ADCY8: variants seen among roughly 807,000 people sequenced by gnomAD.
ADCY8 encodes adenylate cyclase type 8.
A neutral mutation model predicts 119.7 loss-of-function variants in ADCY8; 51 were observed. The ratio of observed to expected loss-of-function variants is 0.43; its 90% CI spans 0.34 to 0.54. ADCY8 has a LOEUF of 0.54. Among genes scored for constraint, ADCY8 ranks in the 20% least tolerant of loss-of-function variants. ADCY8 has a pLI of 0.03. For synonymous variants in ADCY8, 665 were observed against 651.0 expected (o/e 1.02, Z -0.33); for missense variants, 1,383 against 1,598.8 (o/e 0.87, Z 2.30).
Position 131,035,192 on chromosome 8 carries a change from G to C in ADCY8, c.960+4182C>G, listed in dbSNP as rs554389003. Reference sequence around the variant, plus strand: ...CAAGGTATTCCTATCATTGGTTTGAGGCTTATTTAACTTGGATTGGGTGCG... The same window carrying C: ...CAAGGTATTCCTATCATTGGTTTGACGCTTATTTAACTTGGATTGGGTGCG... On this transcript the variant is annotated intron_variant, in intron 1 of 17. Transcript: ENST00000286355. Among the ~76,000 whole-genome samples, 4 of 152,218 alleles carry C rather than the reference G, an allele frequency of 2.6e-5. No homozygotes were observed. In the South Asian group the frequency reaches 8.3e-4, roughly 32 times the overall value.
chr8:130,933,965 T>C (rs1820708066), intron 5 of ADCY8, among the ~76,000 whole-genome samples: 1 of 152,228 alleles, frequency 6.6e-6, no homozygotes, highest in Non-Finnish European at 1.5e-5. Flanking sequence ...TCTGATTTTT[T>C]CATTTTGTAG....
At chr8:130,842,106 T>C (rs1484408896) in intron 11 of ADCY8, among the ~76,000 whole-genome samples, 1 of 152,226 alleles carries the variant, frequency 6.6e-6, no homozygotes, top group Admixed American at 6.5e-5. Flanking sequence ...GGTCCTTTGA[T>C]TCATTCAAGA....
At chr8:130,878,014 G>T (rs1007443038) in intron 8 of ADCY8, among the ~76,000 whole-genome samples, 14 of 152,090 alleles carry the variant, frequency 9.2e-5, no homozygotes, top group Non-Finnish European at 1.8e-4. Context: ...GAAGGACAAG[G>T]GAAAAGAAAG....
intron 5 of ADCY8, among the ~76,000 whole-genome samples, chr8:130,929,848 T>C (rs1225608102): frequency 3.3e-5 from 5 of 152,250 alleles, no homozygotes; most frequent in Admixed American, 6.5e-5. Flanking sequence ...TACAATGTTA[T>C]ATCCACTTGC....
chr8:130,891,192 T>G (rs1819174091), intron 7 of ADCY8, among the ~76,000 whole-genome samples: 1 of 152,112 alleles, frequency 6.6e-6, no homozygotes, highest in Non-Finnish European at 1.5e-5. Context: ...GTACCTCTAT[T>G]TTAAACTTGA....
chr8:130,789,415 T>TTGCCATACCA lies in ADCY8; in HGVS notation c.3061-3950_3061-3941dup, dbSNP rs1303140238. Among the ~76,000 whole-genome samples the TTGCCATACCA allele has an allele frequency of 3.9e-5, 6 of 152,128 alleles. No individual in the cohort carries two copies. In the South Asian group the frequency reaches 1.2e-3, roughly 32 times the overall value. On this transcript the variant is annotated intron_variant, in intron 15 of 17. Transcript: ENST00000286355. ...TCACTTTATATTGAATGATTGGTGT[T>TTGCCATACCA]TGCCATACCAAGTGGACAGTATAAT...
intron 8 of ADCY8, among the ~76,000 whole-genome samples, chr8:130,872,353 C>G (rs1818398420): frequency 6.6e-6 from 1 of 152,164 alleles, no homozygotes; most frequent in South Asian, 2.1e-4. Flanking sequence ...CTGAGTAACT[C>G]AACCACACCT....
intron 8 of ADCY8, among the ~76,000 whole-genome samples, chr8:130,869,939 C>CTCTTCT (rs757467612): frequency 0.013 from 1,943 of 145,340 alleles, 46 homozygotes; most frequent in African/African-American, 0.044. Flanking sequence ...CCTCCTCCTC[C>CTCTTCT]TCTTCTTCTT....
intron 1 of ADCY8, among the ~76,000 whole-genome samples, chr8:131,027,845 G>T (rs1305852155): frequency 1.3e-5 from 2 of 152,174 alleles, no homozygotes; most frequent in Non-Finnish European, 2.9e-5. Context: ...AACTTCAGGA[G>T]CCCCAACATT....
chr8:130,835,266 T>C (rs1039347688), intron 12 of ADCY8, among the ~76,000 whole-genome samples: 3 of 152,058 alleles, frequency 2.0e-5, no homozygotes, highest in African/African-American at 7.2e-5. Flanking sequence ...CATCAGAAAG[T>C]GCATGCAAAA....
Position 130,951,955 on chromosome 8 carries a change from T to A in ADCY8, c.1154A>T (p.Glu385Val), listed in dbSNP as rs1447934732. The A allele has an allele frequency of 1.2e-6, 2 of 1,613,878 alleles. No individual in the cohort carries two copies. Among genetic ancestry groups the A allele is most frequent in the Non-Finnish European group, 1.7e-6 (2 of 1,179,988 alleles). Reference sequence around the variant, plus strand: ...CACATTGGTCATGTCGTTGATCATTTCCAGGACAACAAACCGGGGGAGCAC... The same window carrying A: ...CACATTGGTCATGTCGTTGATCATTACCAGGACAACAAACCGGGGGAGCAC... ...LSVLPRFVVL[E>V]MINDMTNVED... The change falls in exon 3 of 18, where the codon GAA (glutamate) becomes GTA (valine). Residue 385 changes from glutamate to valine, a missense_variant. Physicochemically the swap from Glu to Val is moderately radical, Grantham distance 121. Transcript: ENST00000286355.
chr8:130,789,054 G>A (rs1815344192), intron 15 of ADCY8, among the ~76,000 whole-genome samples: 1 of 152,068 alleles, frequency 6.6e-6, no homozygotes, highest in Non-Finnish European at 1.5e-5. Context: ...GAATTATGAA[G>A]GTATGAATAA....
intron 13 of ADCY8, among the ~76,000 whole-genome samples, chr8:130,815,060 T>A (rs754314501): frequency 3.4e-4 from 51 of 152,158 alleles, no homozygotes; most frequent in Non-Finnish European, 5.6e-4. Context: ...TCCCTCAGGA[T>A]GAGATTACTG....
intron 11 of ADCY8, among the ~76,000 whole-genome samples, chr8:130,846,806 CCCTCCCCTCCCTT>C (rs1817328214): frequency 1.2e-5 from 1 of 85,208 alleles, no homozygotes; most frequent in African/African-American, 4.0e-5. Context: ...TTCCTTCCTT[CCCTCCCCTCCCTT>C]TCCTTCCTTC....
At chr8:131,001,864 A>G (rs185207456) in intron 1 of ADCY8, among the ~76,000 whole-genome samples, 1 of 152,294 alleles carries the variant, frequency 6.6e-6, no homozygotes. Flanking sequence ...TGCTTTACAA[A>G]GAACATTTAT....
intron 5 of ADCY8, among the ~76,000 whole-genome samples, chr8:130,924,443 G>A (rs1820402298): frequency 6.6e-6 from 1 of 152,168 alleles, no homozygotes; most frequent in Non-Finnish European, 1.5e-5. Context: ...GGGTTGCTAG[G>A]TAGAGAGCAC....
chr8:130,943,576 AT>A, intron 3 of ADCY8, 114 bp from the exon 4 acceptor site: 1 of 660,112 alleles, frequency 1.5e-6, no homozygotes, highest in Non-Finnish European at 2.7e-6. Context: ...GTGGTCTGAG[AT>A]TTTAGCTCTT....
intron 2 of ADCY8, among the ~76,000 whole-genome samples, chr8:130,966,160 C>T (rs1821755305): frequency 6.6e-6 from 1 of 152,194 alleles, no homozygotes; most frequent in South Asian, 2.1e-4. Context: ...GTCTGCATGA[C>T]TCATCATGAC....
Position 131,039,643 on chromosome 8 carries a change from C to T in ADCY8, c.691G>A (p.Val231Met). The change falls in exon 1 of 18, where the codon GTG becomes ATG. Residue 231 changes from valine (V) to methionine (M), a missense_variant. Physicochemically the swap from Val to Met is conservative, Grantham distance 21 (BLOSUM62 1). Around this residue, in one of 2 missense-constraint regions of ADCY8, gnomAD observed 455 missense variants for 435.3 expected, o/e 1.05. Transcript: ENST00000286355. ...TGGGAGGTGGTGTCCTTCCTGACCA[C>T]CACCAGGGCGCAGATCACTACCTCA... ...GIEVVICALV[V>M]VRKDTTSHTY... The T allele has an allele frequency of 6.2e-7, 1 of 1,614,136 alleles. No homozygotes were observed.
Sources: allele counts gnomAD v4.1 joint callset (sites outside exome capture counted in the v4.1 genomes callset), GRCh38; gene constraint gnomAD v4.1.1; regional missense constraint gnomAD v4.1.1; transcripts MANE v1.5; gene names NCBI Gene and HGNC (gene_info 2026-07-23, HGNC 2026-07-21).